Variants in BCL2L12 observed in about 807,000 individuals in gnomAD.
BCL2L12 encodes BCL2 like 12.
BCL2L12 carries 27 observed loss-of-function variants against 25.7 expected under a neutral mutation model. That is an observed-to-expected ratio of 1.05 (90% CI 0.78 to 1.45). The LOEUF is 1.45. Among genes scored for constraint, BCL2L12 ranks in the 40% most tolerant of loss-of-function variants. The probability of loss-of-function intolerance (pLI) is 0.00; values close to 1 mark genes in which losing one functional copy is unlikely to be tolerated. For missense variants in BCL2L12, 302 were observed against 329.8 expected (o/e 0.92, Z 0.65); for synonymous variants, 132 against 145.6 (o/e 0.91, Z 0.67).
In BCL2L12 at chr19:49,673,868, C is replaced by A. The variant is rs1015607484; in HGVS notation, c.*120C>A. ...GTGGTGGTTGCCCTACCTGTTTTTG[C>A]CAAAAATAAATTGTTTAAAACTTTT... On this transcript the variant is annotated 3_prime_UTR_variant, in exon 7 of 7. Coordinates refer to ENST00000246784, the MANE Select transcript of BCL2L12 (RefSeq NM_138639.2). 1.7e-6 allele frequency: 2 copies of A among 1,144,026 alleles called. No homozygotes were observed. Among genetic ancestry groups the A allele is most frequent in the Non-Finnish European group, 2.5e-6 (2 of 800,606 alleles). 70.9% of individuals were successfully genotyped at this position (1,144,026 alleles called of 1,614,324 possible).
upstream of BCL2L12, chr19:49,665,905 C>T: frequency 6.2e-7 from 1 of 1,613,390 alleles, no homozygotes; most frequent in Non-Finnish European, 8.5e-7. Flanking sequence ...GCGTCACATG[C>T]AAATTGAGCG....
intron 6 of BCL2L12, 61 bp downstream of exon 6, chr19:49,670,549 A>C (rs1211070393): frequency 4.8e-5 from 73 of 1,510,986 alleles, no homozygotes; most frequent in Non-Finnish European, 6.3e-5. Context: ...GTGATAGAGG[A>C]GGGGCGGGGA....
In BCL2L12 at chr19:49,670,508, C is replaced by T; in HGVS notation, c.702+20C>T. 6.5e-7 allele frequency: 1 copy of T among 1,534,240 alleles called. No individual in the cohort carries two copies. Among genetic ancestry groups the T allele is most frequent in the South Asian group, 1.2e-5 (1 of 82,188 alleles). On this transcript the variant is annotated intron_variant, in intron 6 of 6. Transcript: ENST00000246784. ...GGCTGGGTGAGCCGCTGAAGCCTCT[C>T]TCTCCGGGCCTCACTTTACCTAACT... is the stretch of plus-strand genomic sequence containing the variant.
At position 49,673,699 on chromosome 19, in the gene BCL2L12, A is replaced by T. The variant is rs1328401064; in HGVS notation, c.704A>T (p.Glu235Val). ...GGCTCTGCCACTTTTCCCTTCCAGG[A>T]GGGCATCCTGGCTGTTTCACCCGTG... ...TPWIQAHGGW[E>V]GILAVSPVDL... Residue 235 changes from glutamate to valine, a missense_variant and splice_region_variant, in exon 7 of 7, where the codon GAG (glutamate) becomes GTG (valine). Coordinates refer to ENST00000246784, the MANE Select transcript of BCL2L12 (RefSeq NM_138639.2). 6.2e-7 allele frequency: 1 copy of T among 1,613,828 alleles called. No individual in the cohort carries two copies. Among genetic ancestry groups the T allele is most frequent in the East Asian group, 2.2e-5 (1 of 44,884 alleles).
chr19:49,665,623 C>T (rs1222232553), upstream of BCL2L12: 16 of 646,744 alleles, frequency 2.5e-5, no homozygotes, highest in Non-Finnish European at 4.1e-5. Flanking sequence ...CGGGCTCTTC[C>T]GCGTTACCTA....
chr19:49,666,990 G>A, intron 2 of BCL2L12, 29 bp from the exon 3 acceptor site: 1 of 1,608,924 alleles, frequency 6.2e-7, no homozygotes, highest in Non-Finnish European at 8.5e-7. Flanking sequence ...ATCTCTGGTG[G>A]GGTCAGTCTC....
rs759929754 is a variant in BCL2L12 at position 49,673,815 on chromosome 19, G to A, written c.*67G>A. On this transcript the variant is annotated 3_prime_UTR_variant, in exon 7 of 7. Coordinates refer to ENST00000246784, the MANE Select transcript of BCL2L12 (RefSeq NM_138639.2). ...CTGCCCTCTTCGTGTGCTTTTCCAA[G>A]TCTTCCTATTCCACTCAGGGCTGTG... 2 of 1,585,666 alleles carry A rather than the reference G, an allele frequency of 1.3e-6. No homozygotes were observed. Among genetic ancestry groups the A allele is most frequent in the Admixed American group, 3.3e-5 (2 of 59,816 alleles).
At chr19:49,669,232 C>T (rs1568477696) in intron 5 of BCL2L12, 117 bp downstream of exon 5, 2 of 1,496,058 alleles carry the variant, frequency 1.3e-6, no homozygotes, top group African/African-American at 1.4e-5. Flanking sequence ...GAGGCTGGGA[C>T]AAGGTTTCAA....
chr19:49,673,793 C>T lies in BCL2L12; in HGVS notation c.*45C>T, dbSNP rs369487854. 3.7e-6 allele frequency: 6 copies of T among 1,608,194 alleles called. No individual in the cohort carries two copies. Among genetic ancestry groups the T allele is most frequent in the African/African-American group, 1.3e-5 (1 of 74,842 alleles). ...TACAAGATGACACCTCATGTCCCTGCCCTCTTCGTGTGCTTTTCCAAGTCT... is the reference window on the plus strand; with the variant it reads ...TACAAGATGACACCTCATGTCCCTGTCCTCTTCGTGTGCTTTTCCAAGTCT... On this transcript the variant is annotated 3_prime_UTR_variant, in exon 7 of 7. Coordinates refer to ENST00000246784, the MANE Select transcript of BCL2L12 (RefSeq NM_138639.2).
chr19:49,665,149 T>C, upstream of BCL2L12: 1 of 339,818 alleles, frequency 2.9e-6, no homozygotes, highest in South Asian at 4.4e-5. Context: ...CGAAAGTAAG[T>C]ATCCCCACTT....
chr19:49,673,597 C>T, intron 6 of BCL2L12, 101 bp from the exon 7 acceptor site: 6 of 999,986 alleles, frequency 6.0e-6, no homozygotes, highest in Non-Finnish European at 8.0e-6. Context: ...CTCTCTGGTT[C>T]CTCGCCTTCC....
In BCL2L12 at chr19:49,670,369, C is replaced by T. The variant is rs1359641239; in HGVS notation, c.583C>T (p.Arg195Cys). 3 of 1,583,474 alleles carry T rather than the reference C, an allele frequency of 1.9e-6. No individual in the cohort carries two copies. Among genetic ancestry groups the T allele is most frequent in the Admixed American group, 3.6e-5 (2 of 55,986 alleles). The change falls in exon 6 of 7, where the codon CGC (arginine) becomes TGC (cysteine). Residue 195 changes from arginine (R) to cysteine (C), a missense_variant. Arg to Cys is a radical substitution (Grantham distance 180). Coordinates refer to ENST00000246784, the MANE Select transcript of BCL2L12 (RefSeq NM_138639.2). ...PPPPSPEPLA[R>C]LALAMELSRR... Reference sequence around the variant, plus strand: ...GCCTCCTTCCCCGGAGCCCCTGGCCCGCCTGGCCCTAGCCATGGAGCTGAG... The same window carrying T: ...GCCTCCTTCCCCGGAGCCCCTGGCCTGCCTGGCCCTAGCCATGGAGCTGAG...
chr19:49,673,414 C>G (rs1316704735), intron 6 of BCL2L12, among the ~76,000 whole-genome samples: 4 of 152,090 alleles, frequency 2.6e-5, no homozygotes, highest in Admixed American at 2.6e-4. Flanking sequence ...TTCCCCATCT[C>G]TGACTCTGTC....
intron 5 of BCL2L12, 133 bp from the exon 6 acceptor site, chr19:49,670,083 T>C: frequency 8.1e-7 from 1 of 1,239,456 alleles, no homozygotes; most frequent in South Asian, 1.5e-5. Flanking sequence ...CTTGATTGGC[T>C]AATATGGATG....
In BCL2L12 at chr19:49,668,092, CTTTTTTTTTTT is replaced by C. The variant is rs764611836; in HGVS notation, c.251-749_251-739del. On this transcript the variant is annotated intron_variant, in intron 3 of 6. Coordinates refer to ENST00000246784, the MANE Select transcript of BCL2L12 (RefSeq NM_138639.2). Reference sequence around the variant, plus strand: ...ACCGCACCCTGTCAGCTCTGACATTCTTTTTTTTTTTTTTTTTTTTGAGACGGAGTTTCGCC... The same window carrying C: ...ACCGCACCCTGTCAGCTCTGACATTCTTTTTTTTTGAGACGGAGTTTCGCC... 3.5e-4 allele frequency among the ~76,000 whole-genome samples: 44 copies of C among 125,388 alleles called. 1 individual carries two copies. The highest frequency in any genetic ancestry group is 4.4e-3 in the Middle Eastern group (1 of 228). The allele number at this position is 125,388 out of a possible 152,430, so 82.3% of individuals were successfully genotyped here.
At chr19:49,666,602 C>T (rs2081778141) in intron 1 of BCL2L12, 83 bp from the exon 2 acceptor site, 1 of 1,080,792 alleles carries the variant, frequency 9.3e-7, no homozygotes, top group Non-Finnish European at 1.3e-6. Flanking sequence ...CAGCACCTTC[C>T]TTGGGACTCA....
intron 3 of BCL2L12, among the ~76,000 whole-genome samples, chr19:49,667,651 G>T (rs947650621): frequency 6.6e-6 from 1 of 152,174 alleles, no homozygotes; most frequent in Admixed American, 6.5e-5. Context: ...GCTTGAAAAG[G>T]GGTTCACAGC....
At position 49,670,456 on chromosome 19, in the gene BCL2L12, T is replaced by C. The variant is rs765248333; in HGVS notation, c.670T>C (p.Phe224Leu). The change falls in exon 6 of 7, where the codon TTC becomes CTC. Residue 224 changes from phenylalanine (F) to leucine (L), a missense_variant. Physicochemically the swap from Phe to Leu is conservative, Grantham distance 22. Transcript: ENST00000246784. ...ACTCAGCGTGGAGCACGTGCACAGC[T>C]TCACGCCCTGGATCCAGGCCCACGG... The part of the protein sequence containing the change: ...AGLSVEHVHS[F>L]TPWIQAHGGW... The C allele has an allele frequency of 1.8e-5, 27 of 1,537,340 alleles. No homozygotes were observed. The Admixed American group carries it at 4.5e-4, about 25-fold the overall frequency.
intron 3 of BCL2L12, 119 bp downstream of exon 3, chr19:49,667,280 A>T: frequency 1.4e-6 from 2 of 1,397,458 alleles, no homozygotes; most frequent in Non-Finnish European, 2.0e-6. Flanking sequence ...TCAGGACAGA[A>T]CCGTCCTGTC....
Sources: allele counts gnomAD v4.1 joint callset (sites outside exome capture counted in the v4.1 genomes callset), GRCh38; gene constraint gnomAD v4.1.1; transcripts MANE v1.5; gene names NCBI Gene and HGNC (gene_info 2026-07-23, HGNC 2026-07-21).